DAB1: variants seen among roughly 807,000 people sequenced by gnomAD.
DAB1 encodes disabled homolog 1.
A neutral mutation model predicts 64.6 loss-of-function variants in DAB1; 15 were observed. The ratio of observed to expected loss-of-function variants is 0.23; its 90% CI spans 0.16 to 0.36. DAB1 has a LOEUF of 0.36. Among genes scored for constraint, DAB1 ranks in the 10% least tolerant of loss-of-function variants. DAB1 has a pLI of 1.00. For missense variants in DAB1, 596 were observed against 706.7 expected (o/e 0.84, Z 1.78); for synonymous variants, 235 against 251.9 (o/e 0.93, Z 0.64).
At chr1:57,597,011 C>A (rs1307130648) in intron 7 of DAB1, among the ~76,000 whole-genome samples, 1 of 152,164 alleles carries the variant, frequency 6.6e-6, no homozygotes, top group East Asian at 1.9e-4. Context: ...TGACTTCCTG[C>A]ATAAATTAGC....
chr1:58,440,838 T>G (rs1251324844), intron 3 of DAB1, among the ~76,000 whole-genome samples: 2 of 152,094 alleles, frequency 1.3e-5, no homozygotes, highest in Non-Finnish European at 2.9e-5. Context: ...AGACAAGATC[T>G]CAAGTGGAAA....
intron 1 of DAB1, among the ~76,000 whole-genome samples, chr1:57,838,155 T>C (rs1392091194): frequency 6.6e-6 from 1 of 152,178 alleles, no homozygotes; most frequent in Non-Finnish European, 1.5e-5. Flanking sequence ...GCTCTCTGAA[T>C]GTTCTAGGCC....
At chr1:57,305,882 T>C (rs987329364) in intron 1 of DAB1, among the ~76,000 whole-genome samples, 5 of 143,458 alleles carry the variant, frequency 3.5e-5, no homozygotes, top group African/African-American at 1.3e-4. Context: ...GGCAGGAGAA[T>C]GGCATGAACC....
intron 2 of DAB1, among the ~76,000 whole-genome samples, chr1:58,517,574 G>T (rs368334808): frequency 6.6e-6 from 1 of 152,034 alleles, no homozygotes; most frequent in African/African-American, 2.4e-5. Context: ...TTCTCCCATG[G>T]AATGAATGTT....
chr1:58,538,452 T>G (rs990733912), intron 1 of DAB1, among the ~76,000 whole-genome samples: 1 of 152,220 alleles, frequency 6.6e-6, no homozygotes, highest in Admixed American at 6.5e-5. Context: ...AACCAGCACT[T>G]CTGATCCATA....
chr1:57,451,260 G>A (rs1686346496), intron 7 of DAB1, among the ~76,000 whole-genome samples: 1 of 152,102 alleles, frequency 6.6e-6, no homozygotes, highest in South Asian at 2.1e-4. Flanking sequence ...AGCCTACTGA[G>A]GTTCAAAGAC....
chr1:57,560,812 C>T (rs1036474807), intron 7 of DAB1, among the ~76,000 whole-genome samples: 26 of 152,192 alleles, frequency 1.7e-4, no homozygotes, highest in Admixed American at 4.6e-4. Flanking sequence ...GCAGAGGCCT[C>T]TAGGATTTTG....
chr1:57,483,297 G>T (rs1196116548), intron 7 of DAB1, among the ~76,000 whole-genome samples: 3 of 152,148 alleles, frequency 2.0e-5, no homozygotes, highest in Non-Finnish European at 2.9e-5. Flanking sequence ...TGTGAGGGGA[G>T]TCCAGTGGGA....
intron 2 of DAB1, among the ~76,000 whole-genome samples, chr1:57,191,009 A>T (rs529777618): frequency 6.6e-6 from 1 of 152,196 alleles, no homozygotes; most frequent in African/African-American, 2.4e-5. Context: ...TACCTGAAAA[A>T]CCCAGCTATT....
At chr1:57,336,668 G>C (rs1677104430) in intron 1 of DAB1, among the ~76,000 whole-genome samples, 1 of 152,152 alleles carries the variant, frequency 6.6e-6, no homozygotes, top group African/African-American at 2.4e-5. Flanking sequence ...TCATGCAGGA[G>C]GTGTGGCTTT....
intron 7 of DAB1, among the ~76,000 whole-genome samples, chr1:57,465,415 G>T (rs1044657356): frequency 2.0e-5 from 3 of 152,146 alleles, no homozygotes; most frequent in Non-Finnish European, 4.4e-5. Flanking sequence ...AATGTGCCCA[G>T]TGCATATTCC....
chr1:57,072,783 G>C (rs1260834416), intron 4 of DAB1, among the ~76,000 whole-genome samples: 1 of 152,168 alleles, frequency 6.6e-6, no homozygotes, highest in African/African-American at 2.4e-5. Context: ...TTAAATACTC[G>C]GGGACCGTGT....
chr1:56,998,052 T>C lies in DAB1; in HGVS notation c.*92A>G, dbSNP rs1645698181. On this transcript the variant is annotated 3_prime_UTR_variant, in exon 15 of 15. Coordinates refer to ENST00000371236, the MANE Select transcript of DAB1 (RefSeq NM_001365792.1). Reference sequence around the variant, plus strand: ...GTCGTGATGCTGATGTCCATGCCAGTCTTGAGCACCCACCACGAGCTCGCA... The same window carrying C: ...GTCGTGATGCTGATGTCCATGCCAGCCTTGAGCACCCACCACGAGCTCGCA... 1 of 152,572 alleles carries C rather than the reference T, an allele frequency of 6.6e-6. No homozygotes were observed. The highest frequency in any genetic ancestry group is 6.5e-5 in the Admixed American group (1 of 15,274). 9.5% of individuals were successfully genotyped at this position (152,572 alleles called of 1,614,324 possible).
intron 4 of DAB1, among the ~76,000 whole-genome samples, chr1:58,182,111 G>T (rs1157298605): frequency 6.6e-6 from 1 of 151,942 alleles, no homozygotes; most frequent in African/African-American, 2.4e-5. Flanking sequence ...CAATAATTCT[G>T]CCTTCCGGCC....
At chr1:58,355,622 C>G (rs918390736) in intron 3 of DAB1, among the ~76,000 whole-genome samples, 2 of 151,340 alleles carry the variant, frequency 1.3e-5, no homozygotes, top group African/African-American at 4.9e-5. Context: ...TCCTGGTAGG[C>G]TTAGGTATGA....
intron 2 of DAB1, among the ~76,000 whole-genome samples, chr1:57,147,888 G>T (rs186307247): frequency 6.6e-6 from 1 of 152,182 alleles, no homozygotes; most frequent in African/African-American, 2.4e-5. Flanking sequence ...CAAACTTACT[G>T]AGTAGAACCT....
chr1:58,049,560 G>A (rs562624782), intron 5 of DAB1, among the ~76,000 whole-genome samples: 2 of 152,218 alleles, frequency 1.3e-5, no homozygotes, highest in East Asian at 1.9e-4. Flanking sequence ...CTGGTAAGTA[G>A]AATATTTGAT....
chr1:58,059,614 G>T (rs1439431258), intron 5 of DAB1, among the ~76,000 whole-genome samples: 1 of 152,178 alleles, frequency 6.6e-6, no homozygotes, highest in Non-Finnish European at 1.5e-5. Flanking sequence ...GAACTATGGG[G>T]GCTACAAAGG....
chr1:58,246,332 C>T (rs916379107), intron 4 of DAB1, among the ~76,000 whole-genome samples: 6 of 152,112 alleles, frequency 3.9e-5, no homozygotes, highest in Non-Finnish European at 8.8e-5. Flanking sequence ...GAGATGAACA[C>T]GTGGAGATTT....
Sources: allele counts gnomAD v4.1 joint callset (sites outside exome capture counted in the v4.1 genomes callset), GRCh38; gene constraint gnomAD v4.1.1; transcripts MANE v1.5; gene names NCBI Gene and HGNC (gene_info 2026-07-23, HGNC 2026-07-21).